The following AGAP3 variants were observed in gnomAD, a reference collection of about 807,000 sequenced individuals.
AGAP3 encodes the protein ArfGAP with GTPase domain, ankyrin repeat and PH domain 3, also known as arf-GAP with GTPase, ANK repeat and PH domain-containing protein 3.
A neutral mutation model predicts 96.9 loss-of-function variants in AGAP3; 24 were observed. The observed-to-expected ratio is 0.25, with a 90% CI of 0.18 to 0.35. The LOEUF (loss-of-function observed/expected upper bound fraction) is 0.35. Ranked by LOEUF, AGAP3 falls within the 10% of genes least tolerant of loss-of-function variation. The pLI, the probability that AGAP3 is intolerant of heterozygous loss-of-function variation, is 1.00. For synonymous variants in AGAP3, 563 were observed against 536.1 expected, an observed-to-expected ratio of 1.05 and a Z score of -0.69; for missense variants, 876 against 1,254.2, an observed-to-expected ratio of 0.70 and a Z score of 4.55.
intron 2 of AGAP3, 118 bp from the exon 3 acceptor site, chr7:151,116,975 CCT>C: frequency 6.8e-7 from 1 of 1,468,476 alleles, no homozygotes; most frequent in Non-Finnish European, 9.5e-7. Flanking sequence ...CCCTCTCTGC[CCT>C]CTCTCCTCCC....
intron 1 of AGAP3, among the ~76,000 whole-genome samples, chr7:151,101,675 A>G (rs1376351897): frequency 2.0e-5 from 3 of 152,146 alleles, no homozygotes; most frequent in African/African-American, 4.8e-5. Context: ...ACGCCTGGGT[A>G]GCAGTACAGA....
intron 1 of AGAP3, among the ~76,000 whole-genome samples, chr7:151,110,558 G>GC (rs1484184270): frequency 2.0e-5 from 3 of 152,212 alleles, no homozygotes; most frequent in Admixed American, 6.5e-5. Flanking sequence ...CAGCTGGAGA[G>GC]CCATTGCAGG....
At position 151,141,842 on chromosome 7, in the gene AGAP3, G is replaced by A. The variant is rs1800824813; in HGVS notation, c.1805-56G>A. 2.5e-6 allele frequency: 4 copies of A among 1,611,776 alleles called. No homozygotes were observed. The highest frequency in any genetic ancestry group is 1.7e-5 in the Admixed American group (1 of 59,984). On this transcript the variant is annotated intron_variant, in intron 13 of 17. Transcript: ENST00000397238. The surrounding 1 kb of genome is among the most constrained non-coding windows in gnomAD (Gnocchi z 4.2). ...GTGAGTGGAGTTGTGGCGATAGCAT[G>A]CCCTGGGTGTGCACGCAGGCCAGGA... is the stretch of plus-strand genomic sequence containing the variant.
At position 151,114,382 on chromosome 7, in the gene AGAP3, T is replaced by G. The variant is rs1410926758; in HGVS notation, c.332-2411T>G. ...CGCTTTTCTCCAAAATGGGGCCCAG[T>G]GTGTGGTGGACTGAGGACTGTTATT... On this transcript the variant is annotated intron_variant, in intron 1 of 17. Transcript: ENST00000397238. The surrounding 1 kb of genome is among the most constrained non-coding windows in gnomAD (Gnocchi z 4.4). 1.3e-5 allele frequency among the ~76,000 whole-genome samples: 2 copies of G among 152,152 alleles called. No individual in the cohort carries two copies. The highest frequency in any genetic ancestry group is 2.9e-5 in the Non-Finnish European group (2 of 68,042).
intron 1 of AGAP3, among the ~76,000 whole-genome samples, chr7:151,105,652 G>A (rs1454188495): frequency 6.6e-6 from 1 of 150,930 alleles, no homozygotes; most frequent in Non-Finnish European, 1.5e-5. Context: ...TGTGCTCCCA[G>A]CTACTTGTGG....
At chr7:151,113,211 C>A (rs1417495555) in intron 1 of AGAP3, among the ~76,000 whole-genome samples, 1 of 152,222 alleles carries the variant, frequency 6.6e-6, no homozygotes, top group Non-Finnish European at 1.5e-5. Context: ...GCCGGCTTCA[C>A]TGAGTTGTGT....
At chr7:151,126,420 G>GAA (rs1253018624) in intron 9 of AGAP3, among the ~76,000 whole-genome samples, 6 of 67,142 alleles carry the variant, frequency 8.9e-5, no homozygotes, top group Non-Finnish European at 1.5e-4. Flanking sequence ...TGAAGGCTGG[G>GAA]AGAGGCTGGG....
chr7:151,088,972 C>G (rs1275402568), intron 1 of AGAP3, among the ~76,000 whole-genome samples: 13 of 152,158 alleles, frequency 8.5e-5, no homozygotes, highest in Admixed American at 6.5e-4. Flanking sequence ...GCCGGTGTCT[C>G]ACTGTCACCA....
intron 1 of AGAP3, chr7:151,115,580 C>A: frequency 1.7e-6 from 2 of 1,154,250 alleles, no homozygotes; most frequent in Non-Finnish European, 2.1e-6. Flanking sequence ...AGCCCGCGCC[C>A]GCCGCGCCGC....
At chr7:151,126,315 A>AG (rs1004268068) in intron 9 of AGAP3, among the ~76,000 whole-genome samples, 2 of 151,378 alleles carry the variant, frequency 1.3e-5, no homozygotes, top group African/African-American at 4.9e-5. Context: ...GCAGGCCTTG[A>AG]GGGGCTCCAC....
At chr7:151,123,382 G>A in intron 8 of AGAP3, 1 of 1,067,898 alleles carries the variant, frequency 9.4e-7, no homozygotes, top group Non-Finnish European at 1.1e-6. Context: ...CACGTGCCGT[G>A]TGGTGTCTGT....
chr7:151,115,655 C>T lies in AGAP3; in HGVS notation c.332-1138C>T, dbSNP rs1051384782. 21 of 1,157,994 alleles carry T rather than the reference C, an allele frequency of 1.8e-5. No individual in the cohort carries two copies. In the African/African-American group the frequency reaches 3.2e-4, roughly 18 times the overall value. The allele number at this position is 1,157,994 out of a possible 1,614,324, so 71.7% of individuals were successfully genotyped here. A position where few individuals can be genotyped will look rare whatever the true frequency, so the allele number is the denominator to read the frequency against. On this transcript the variant is annotated intron_variant, in intron 1 of 17. Coordinates refer to ENST00000397238, the MANE Select transcript of AGAP3 (RefSeq NM_031946.7). ...GCGCGCCCAGCGGTAAGGGGGCGGG[C>T]CTGGGGGGCGTCTGGCAGAAAACAG...
At chr7:151,090,777 T>C (rs922613491) in intron 1 of AGAP3, among the ~76,000 whole-genome samples, 1 of 152,098 alleles carries the variant, frequency 6.6e-6, no homozygotes, top group East Asian at 1.9e-4. Flanking sequence ...CCCCCGTCTC[T>C]ACTAAAAATA....
intron 7 of AGAP3, 44 bp from the exon 8 acceptor site, chr7:151,119,943 G>A (rs1487169812): frequency 1.6e-5 from 25 of 1,603,050 alleles, no homozygotes; most frequent in South Asian, 3.3e-5. Context: ...TGCCCGTCCC[G>A]CCCCTGACCC....
At chr7:151,099,342 CAAAAA>C (rs11322956) in intron 1 of AGAP3, among the ~76,000 whole-genome samples, 2 of 136,336 alleles carry the variant, frequency 1.5e-5, no homozygotes, top group Non-Finnish European at 1.6e-5. Context: ...GACTCCATCT[CAAAAA>C]AAAAAAAAAA....
Position 151,114,525 on chromosome 7 carries a change from CCCGCG to C in AGAP3, c.332-2258_332-2254del, listed in dbSNP as rs1164184751. ...GGGGCTGCCCCAGCAGGCCGGCTCC[CCCGCG>C]CCGCGCCGCCGTTCCCGGGCGTTCC... On this transcript the variant is annotated intron_variant, in intron 1 of 17. Transcript: ENST00000397238. This position sits in a 1 kb window ranked among gnomAD's most constrained non-coding sequence, Gnocchi z 4.4. 3.9e-5 allele frequency among the ~76,000 whole-genome samples: 6 copies of C among 152,246 alleles called. No individual in the cohort carries two copies. The highest frequency in any genetic ancestry group is 7.4e-5 in the Non-Finnish European group (5 of 68,004).
At chr7:151,122,978 G>T (rs748357602) in intron 8 of AGAP3, 146 of 1,426,630 alleles carry the variant, frequency 1.0e-4, no homozygotes, top group Non-Finnish European at 1.3e-4. Context: ...GCTGGGGGCT[G>T]CCGGGGACCA....
chr7:151,136,948 C>A (rs1800617057), intron 11 of AGAP3, among the ~76,000 whole-genome samples: 1 of 152,310 alleles, frequency 6.6e-6, no homozygotes, highest in Admixed American at 6.5e-5. Context: ...TCTTCGGGGC[C>A]TGGAGATGGA....
At chr7:151,134,636 G>A in intron 11 of AGAP3, 68 bp downstream of exon 11, 1 of 1,472,978 alleles carries the variant, frequency 6.8e-7, no homozygotes, top group East Asian at 2.5e-5. Context: ...CAGGCATTCT[G>A]GGCTTGGCTG....
Sources: allele counts gnomAD v4.1 joint callset (sites outside exome capture counted in the v4.1 genomes callset), GRCh38; gene constraint gnomAD v4.1.1; non-coding constraint Gnocchi (gnomAD v3.1); transcripts MANE v1.5; gene names NCBI Gene and HGNC (gene_info 2026-07-23, HGNC 2026-07-21).